DLG2: variants seen among roughly 807,000 people sequenced by gnomAD.
DLG2 encodes the protein disks large homolog 2.
A neutral mutation model predicts 132.5 loss-of-function variants in DLG2; 45 were observed. The observed-to-expected ratio is 0.34, with a 90% CI of 0.27 to 0.44. DLG2 has a LOEUF of 0.44. Ranked by LOEUF, DLG2 falls within the 20% of genes least tolerant of loss-of-function variation. DLG2 has a pLI of 1.00. For missense variants in DLG2, 1,045 were observed against 1,196.9 expected, an observed-to-expected ratio of 0.87 and a Z score of 1.87; for synonymous variants, 424 against 419.6, an observed-to-expected ratio of 1.01 and a Z score of -0.13.
chr11:84,984,638 C>T (rs1402054638), intron 6 of DLG2, among the ~76,000 whole-genome samples: 1 of 151,136 alleles, frequency 6.6e-6, no homozygotes, highest in Admixed American at 6.6e-5. Flanking sequence ...AATGGTACCT[C>T]GCATCTTAAT....
chr11:83,618,362 C>G (rs143936691), intron 19 of DLG2, among the ~76,000 whole-genome samples: 2,231 of 152,050 alleles, frequency 0.015, 63 homozygotes, highest in African/African-American at 0.051. Context: ...TATAAATTTC[C>G]TTTCTTACAA....
At chr11:84,995,155 T>C (rs1055245083) in intron 6 of DLG2, among the ~76,000 whole-genome samples, 5 of 152,228 alleles carry the variant, frequency 3.3e-5, no homozygotes, top group African/African-American at 1.2e-4. Flanking sequence ...TGATAAACTT[T>C]ATTTTCTTCT....
chr11:85,223,344 G>A (rs546055898), intron 4 of DLG2, among the ~76,000 whole-genome samples: 6 of 152,152 alleles, frequency 3.9e-5, no homozygotes, highest in Admixed American at 3.9e-4. Context: ...CATAATAGAA[G>A]TCTAGAAGGA....
At chr11:84,327,112 CTTTTTTTTTT>C (rs11290540) in intron 7 of DLG2, among the ~76,000 whole-genome samples, 2 of 119,026 alleles carry the variant, frequency 1.7e-5, no homozygotes, top group South Asian at 3.0e-4. Context: ...TAATGAGAAT[CTTTTTTTTTT>C]TTTTTTTTTT....
At chr11:84,818,685 C>T (rs2077335419) in intron 6 of DLG2, among the ~76,000 whole-genome samples, 1 of 151,828 alleles carries the variant, frequency 6.6e-6, no homozygotes, top group Non-Finnish European at 1.5e-5. Context: ...AGCTCAGGCA[C>T]ACAAAAATTA....
At chr11:85,599,028 A>AT (rs1031230145) in intron 2 of DLG2, among the ~76,000 whole-genome samples, 16 of 152,194 alleles carry the variant, frequency 1.1e-4, no homozygotes, top group Non-Finnish European at 1.8e-4. Context: ...AAAACAAAGA[A>AT]TTCAATCCTG....
chr11:83,874,976 C>T (rs2064391380), intron 15 of DLG2, among the ~76,000 whole-genome samples: 1 of 152,202 alleles, frequency 6.6e-6, no homozygotes, highest in South Asian at 2.1e-4. Flanking sequence ...TAAAAACATA[C>T]ATTTCTTTAT....
At chr11:84,410,253 A>G (rs1188299227) in intron 7 of DLG2, among the ~76,000 whole-genome samples, 1 of 152,174 alleles carries the variant, frequency 6.6e-6, no homozygotes, top group Non-Finnish European at 1.5e-5. Context: ...ATGACACTCC[A>G]AGTCACATAC....
At position 84,645,479 on chromosome 11, in the gene DLG2, A is replaced by AT. The variant is rs2099673579; in HGVS notation, c.358-110749dup. On this transcript the variant is annotated intron_variant, in intron 6 of 27. Coordinates refer to ENST00000376104, the MANE Select transcript of DLG2 (RefSeq NM_001142699.3). ...CATAATTATCTTTATTTATTTATTTATTTTTTGAGACAGAGTCTCGCTCTG... is the reference window on the plus strand; with the variant it reads ...CATAATTATCTTTATTTATTTATTTATTTTTTTGAGACAGAGTCTCGCTCTG... Among the ~76,000 whole-genome samples the AT allele has an allele frequency of 2.0e-5, 3 of 151,904 alleles. 1 individual carries two copies. The South Asian group carries it at 6.2e-4, about 32-fold the overall frequency.
At chr11:83,472,093 T>C (rs1565360393) in intron 23 of DLG2, among the ~76,000 whole-genome samples, 1 of 152,196 alleles carries the variant, frequency 6.6e-6, no homozygotes. Context: ...ATTGTTTAGA[T>C]ATGACTATAA....
chr11:85,299,416 T>C (rs1051604615), intron 3 of DLG2, among the ~76,000 whole-genome samples: 2 of 152,192 alleles, frequency 1.3e-5, no homozygotes, highest in Non-Finnish European at 2.9e-5. Context: ...GCTTTTCTTG[T>C]CACCTAGGAT....
At chr11:84,800,346 T>A (rs1188231266) in intron 6 of DLG2, among the ~76,000 whole-genome samples, 2 of 152,234 alleles carry the variant, frequency 1.3e-5, no homozygotes, top group Non-Finnish European at 2.9e-5. Flanking sequence ...AGATAGTGTT[T>A]CAAAATGCAG....
chr11:85,615,876 G>A (rs562769406), intron 2 of DLG2, among the ~76,000 whole-genome samples: 2 of 151,912 alleles, frequency 1.3e-5, no homozygotes, highest in African/African-American at 4.8e-5. Context: ...TGATGGAAGG[G>A]GACTCTGACA....
rs959977571 is a variant in DLG2 at position 83,912,564 on chromosome 11, C to T, written c.1496+17764G>A. The stretch of plus-strand genomic sequence containing the variant: ...ATGAAAAATCCTGAAGACAAATCCA[C>T]GTTTTAGTTTTTTAAATGAAGCGCG... On this transcript the variant is annotated intron_variant, in intron 15 of 27. Coordinates refer to ENST00000376104, the MANE Select transcript of DLG2 (RefSeq NM_001142699.3). Among the ~76,000 whole-genome samples, 16 of 152,152 alleles carry T rather than the reference C, an allele frequency of 1.1e-4. No homozygotes were observed. In the East Asian group the frequency reaches 2.9e-3, roughly 28 times the overall value.
chr11:84,641,222 A>C (rs1440476208), intron 6 of DLG2, among the ~76,000 whole-genome samples: 1 of 151,964 alleles, frequency 6.6e-6, no homozygotes, highest in African/African-American at 2.4e-5. Flanking sequence ...AATTATTCAA[A>C]CTCTCTCTGT....
intron 6 of DLG2, among the ~76,000 whole-genome samples, chr11:84,627,135 T>C (rs2099624229): frequency 1.3e-5 from 2 of 152,078 alleles, no homozygotes; most frequent in South Asian, 4.1e-4. Context: ...CCTCCTAAAG[T>C]GCTGGGATTA....
chr11:84,336,022 T>C (rs2098483022), intron 7 of DLG2, among the ~76,000 whole-genome samples: 1 of 152,222 alleles, frequency 6.6e-6, no homozygotes, highest in Admixed American at 6.5e-5. Context: ...CAGCATAACA[T>C]GCATATCCAT....
At chr11:83,931,668 C>T (rs1437543149) in intron 14 of DLG2, among the ~76,000 whole-genome samples, 1 of 152,064 alleles carries the variant, frequency 6.6e-6, no homozygotes, top group Non-Finnish European at 1.5e-5. Context: ...AAAATGAGAT[C>T]CTGTATTTTG....
intron 6 of DLG2, among the ~76,000 whole-genome samples, chr11:84,635,438 C>G (rs999856867): frequency 6.6e-6 from 1 of 151,996 alleles, no homozygotes; most frequent in African/African-American, 2.4e-5. Context: ...CAGGCGTGCA[C>G]GGAAAGCTAA....
Sources: gnomAD v4.1 joint callset for allele counts (sites outside exome capture counted in the v4.1 genomes callset) on GRCh38, gnomAD v4.1.1 for gene constraint, MANE v1.5 for transcripts, NCBI Gene and HGNC (gene_info 2026-07-23, HGNC 2026-07-21) for gene names.